Variants in SPIN3 observed in about 807,000 individuals in gnomAD.
The protein encoded by SPIN3 is spindlin family member 3.
For synonymous variants in SPIN3, 74 were observed against 74.3 expected, an observed-to-expected ratio of 1.00 and a Z score of 0.02; for missense variants, 176 against 196.4, an observed-to-expected ratio of 0.90 and a Z score of 0.62.
At chrX:56,989,392 G>A (rs1389695924), downstream of SPIN3, among the ~76,000 whole-genome samples, 4 of 111,226 alleles carry the variant, frequency 3.6e-5, no homozygotes, top group South Asian at 3.8e-4. Context: ...GTATTCAAAT[G>A]AAGAAGCTAT....
At chrX:56,975,389 G>A (rs1250264834), downstream of SPIN3, 1 of 111,816 alleles carries the variant, frequency 8.9e-6, no homozygotes, top group Non-Finnish European at 1.9e-5. Context: ...AATAAAATGC[G>A]ATGTCTGGGT....
chrX:56,994,918 T>C lies in SPIN3; in HGVS notation c.30A>G (p.Ala10=). The change falls in exon 2 of 2, where the codon GCA becomes GCG. Residue 10 remains alanine (A), a synonymous_variant. Transcript: ENST00000374919. MKTPFGKAA[A]GQRSRTGAGH... ...CAGCGCCCGTCCTGGACCGCTGCCC[T>C]GCAGCTGCCTTTCCAAACGGGGTCT... The C allele has an allele frequency of 8.3e-7, 1 of 1,198,907 alleles. No homozygotes were observed. Among genetic ancestry groups the C allele is most frequent in the Non-Finnish European group, 1.1e-6 (1 of 889,416 alleles).
chrX:56,984,133 T>C, intron 3 of SPIN3: 1 of 141,860 alleles, frequency 7.0e-6, no homozygotes, highest in Non-Finnish European at 1.4e-5. Context: ...AGCTTTGAGT[T>C]AGGCTTTCAG....
rs1924360312 is a variant in SPIN3, at chrX:56,992,238, C to G, written c.*1933G>C. The G allele has an allele frequency of 3.4e-6, 1 of 295,512 alleles. No individual in the cohort carries two copies. The highest frequency in any genetic ancestry group is 2.8e-5 in the African/African-American group (1 of 36,297). The allele number at this position is 295,512 out of a possible 1,213,427, so 24.4% of individuals were successfully genotyped here. ...TCAGGACCTCAGGAGTTGAATTAATCTAACCCCACAATTGCATGTCATACA... is the reference window on the plus strand; with the variant it reads ...TCAGGACCTCAGGAGTTGAATTAATGTAACCCCACAATTGCATGTCATACA... On this transcript the variant is annotated 3_prime_UTR_variant, in exon 2 of 2. Transcript: ENST00000374919.
downstream of SPIN3, chrX:56,975,650 A>G (rs1344535767): frequency 1.8e-5 from 2 of 110,797 alleles, no homozygotes; most frequent in Non-Finnish European, 3.8e-5. Context: ...GGGGCCTTAG[A>G]ATTTTATTTT....
At chrX:56,986,424 T>C (rs1452423877), downstream of SPIN3, among the ~76,000 whole-genome samples, 8 of 111,865 alleles carry the variant, frequency 7.2e-5, no homozygotes, top group Non-Finnish European at 1.9e-5. Flanking sequence ...TTACTTGGCA[T>C]CAAGAGAGCT....
At chrX:56,995,031 C>G (rs1924459797) in intron 1 of SPIN3, 82 bp from the exon 2 acceptor site, 1 of 999,585 alleles carries the variant, frequency 1.0e-6, no homozygotes, top group South Asian at 2.5e-5. Context: ...GCTTTTTCTC[C>G]TAATCAGCGC....
At position 56,993,900 on chromosome X, in the gene SPIN3, A is replaced by G. The variant is rs762373964; in HGVS notation, c.*271T>C. On this transcript the variant is annotated 3_prime_UTR_variant, in exon 2 of 2. Coordinates refer to ENST00000374919, the MANE Select transcript of SPIN3 (RefSeq NM_001010862.3). Reference sequence around the variant, plus strand: ...CAGCTACCTTTAATCTATTAACACCACCCAAGATAAAAAAAAGTATGAGCC... The same window carrying G: ...CAGCTACCTTTAATCTATTAACACCGCCCAAGATAAAAAAAAGTATGAGCC... 2.8e-5 allele frequency: 8 copies of G among 283,383 alleles called. No individual in the cohort carries two copies. The highest frequency in any genetic ancestry group is 4.3e-5 in the Non-Finnish European group (7 of 163,941). The allele number at this position is 283,383 out of a possible 1,213,427, so 23.4% of individuals were successfully genotyped here. A position where few individuals can be genotyped will look rare whatever the true frequency, so the allele number is the denominator to read the frequency against.
chrX:56,985,592 A>G (rs1353161368), intron 2 of SPIN3, among the ~76,000 whole-genome samples: 1 of 112,005 alleles, frequency 8.9e-6, no homozygotes, highest in East Asian at 2.8e-4. Flanking sequence ...TTCCCCAGGT[A>G]TTGACCCCAA....
chrX:56,986,326 C>T (rs1470875700), downstream of SPIN3, among the ~76,000 whole-genome samples: 1 of 111,812 alleles, frequency 8.9e-6, no homozygotes, highest in Non-Finnish European at 1.9e-5. Context: ...AAAATCACAG[C>T]TGTGAATCAC....
intron 2 of SPIN3, chrX:56,984,485 AG>A: frequency 6.1e-6 from 2 of 327,908 alleles, no homozygotes; most frequent in Admixed American, 6.3e-5. Flanking sequence ...GGAGCTGAAA[AG>A]CAAAAAAAAA....
chrX:56,987,977 T>C (rs1924257216), downstream of SPIN3, among the ~76,000 whole-genome samples: 2 of 112,044 alleles, frequency 1.8e-5, no homozygotes, highest in South Asian at 7.4e-4. Flanking sequence ...GCTAAGGATA[T>C]AGTTTCTCAT....
intron 3 of SPIN3, among the ~76,000 whole-genome samples, chrX:56,981,104 T>C (rs745614771): frequency 9.1e-6 from 1 of 110,459 alleles, no homozygotes; most frequent in Non-Finnish European, 1.9e-5. Flanking sequence ...CTCACGCCTA[T>C]AATCCCAGCA....
rs34960496 is a variant in SPIN3 at position 56,981,360 on chromosome X, CA to C, written c.*205-2701del. Among the ~76,000 whole-genome samples the C allele has an allele frequency of 2.7e-3, 107 of 39,191 alleles. 1 individual carries two copies. The highest frequency in any genetic ancestry group is 0.015 in the Middle Eastern group (1 of 66). 34.0% of individuals were successfully genotyped at this position (39,191 alleles called of 115,157 possible). A position where few individuals can be genotyped will look rare whatever the true frequency, so the allele number is the denominator to read the frequency against. On this transcript the variant is annotated intron_variant and NMD_transcript_variant, in intron 3 of 5. Coordinates refer to the SPIN3 transcript ENST00000475785. ...TGGGAGACAGAGTGAGACTCCATCT[CA>C]AAAAAAAAAAAAAAAAGAAAAAGAA...
chrX:56,993,516 G>T lies in SPIN3; in HGVS notation c.*655C>A, dbSNP rs778399372. On this transcript the variant is annotated 3_prime_UTR_variant, in exon 2 of 2. Coordinates refer to ENST00000374919, the MANE Select transcript of SPIN3 (RefSeq NM_001010862.3). The stretch of plus-strand genomic sequence containing the variant: ...ATCTTGATCTCTCCACTTGGAGTTT[G>T]GTCCCCAAATGCTTGTCTTCTTATC... The T allele has an allele frequency of 9.8e-5, 11 of 112,166 alleles. No homozygotes were observed. Among genetic ancestry groups the T allele is most frequent in the Non-Finnish European group, 1.9e-4 (10 of 53,227 alleles). The allele number at this position is 112,166 out of a possible 1,213,427, so 9.2% of individuals were successfully genotyped here.
chrX:56,977,099 A>G (rs766741271), exon 6 of SPIN3: 1 of 111,904 alleles, frequency 8.9e-6, no homozygotes, highest in Non-Finnish European at 1.9e-5. Flanking sequence ...TCTAGCAAAT[A>G]TGGTGAAACT....
rs1025115604 is a variant in SPIN3, at chrX:56,976,805, T to C, written c.*803A>G. 3 of 111,846 alleles carry C rather than the reference T, an allele frequency of 2.7e-5. No homozygotes were observed. The Admixed American group carries it at 2.9e-4, about 11-fold the overall frequency. The allele number at this position is 111,846 out of a possible 1,213,427, so 9.2% of individuals were successfully genotyped here. On this transcript the variant is annotated 3_prime_UTR_variant and NMD_transcript_variant, in exon 6 of 6. Transcript: ENST00000475785. ...TGAGGATAGCAATGGCCCATGACTGTTTCACTGGGGAGAGTTTGAAATAGT... is the reference window on the plus strand; with the variant it reads ...TGAGGATAGCAATGGCCCATGACTGCTTCACTGGGGAGAGTTTGAAATAGT...
downstream of SPIN3, among the ~76,000 whole-genome samples, chrX:56,987,405 T>C (rs370580701): frequency 9.0e-6 from 1 of 111,021 alleles, no homozygotes; most frequent in East Asian, 2.8e-4. Context: ...TAATATCCAC[T>C]CAGGCCTTCC....
At chrX:56,982,566 T>C (rs753298432) in intron 3 of SPIN3, 8 of 110,896 alleles carry the variant, frequency 7.2e-5, no homozygotes, top group Admixed American at 3.9e-4. Flanking sequence ...ATTGCTTCTC[T>C]CAGCCAGTCA....
Sources: gnomAD v4.1 joint callset for allele counts (sites outside exome capture counted in the v4.1 genomes callset) on GRCh38, gnomAD v4.1.1 for gene constraint, MANE v1.5 for transcripts, NCBI Gene and HGNC (gene_info 2026-07-23, HGNC 2026-07-21) for gene names.